ELMO1: variants seen among roughly 807,000 people sequenced by gnomAD.
The protein encoded by ELMO1 is engulfment and cell motility protein 1.
Under a neutral mutation model 98.9 loss-of-function variants are expected in ELMO1, and 26 were observed. That is an observed-to-expected ratio of 0.26 (90% CI 0.19 to 0.36). The LOEUF (loss-of-function observed/expected upper bound fraction) is 0.36, where lower values mean the gene tolerates loss of function less well. ELMO1 is among the 10% of genes least tolerant of loss of function. The pLI, the probability that ELMO1 is intolerant of heterozygous loss-of-function variation, is 1.00. For synonymous variants in ELMO1, 346 were observed against 346.0 expected (o/e 1.00, Z 0.00); for missense variants, 627 against 935.2 (o/e 0.67, Z 4.30).
chr7:37,380,237 G>C (rs1583656273), intron 1 of ELMO1, among the ~76,000 whole-genome samples: 1 of 152,244 alleles, frequency 6.6e-6, no homozygotes, highest in East Asian at 1.9e-4. Flanking sequence ...TAGCCATCCT[G>C]GTGGCTTTTT....
intron 8 of ELMO1, among the ~76,000 whole-genome samples, chr7:37,227,312 A>G (rs774147204): frequency 5.9e-5 from 9 of 152,214 alleles, no homozygotes; most frequent in African/African-American, 9.7e-5. Context: ...TTAGTTGCCT[A>G]CTTCCATAAA....
intron 2 of ELMO1, among the ~76,000 whole-genome samples, chr7:37,329,427 T>C (rs1799985585): frequency 6.6e-6 from 1 of 152,198 alleles, no homozygotes; most frequent in Non-Finnish European, 1.5e-5. Flanking sequence ...CAATTCTCTC[T>C]TTTAGTGAGT....
At chr7:37,008,832 T>C (rs1203724879) in intron 16 of ELMO1, among the ~76,000 whole-genome samples, 1 of 152,226 alleles carries the variant, frequency 6.6e-6, no homozygotes, top group Non-Finnish European at 1.5e-5. Context: ...CATGTGTTAA[T>C]GATGGCGATT....
At chr7:36,884,314 CAA>C (rs59762953) in intron 18 of ELMO1, among the ~76,000 whole-genome samples, 3,676 of 127,688 alleles carry the variant, frequency 0.029, 137 homozygotes, top group East Asian at 0.084. Flanking sequence ...GAGACTGTCT[CAA>C]AAAAAAAAAA....
chr7:37,277,875 C>T (rs1454088312), intron 4 of ELMO1, among the ~76,000 whole-genome samples: 1 of 152,208 alleles, frequency 6.6e-6, no homozygotes, highest in African/African-American at 2.4e-5. Flanking sequence ...CCAGAAGTCT[C>T]CTGCCTAGGC....
chr7:37,359,530 A>T (rs1310924710), intron 1 of ELMO1, among the ~76,000 whole-genome samples: 2 of 152,186 alleles, frequency 1.3e-5, no homozygotes, highest in African/African-American at 2.4e-5. Flanking sequence ...ACATAGATTA[A>T]CACATTCAGT....
At chr7:36,983,829 A>G (rs1791275835) in intron 16 of ELMO1, among the ~76,000 whole-genome samples, 1 of 152,154 alleles carries the variant, frequency 6.6e-6, no homozygotes, top group East Asian at 1.9e-4. Flanking sequence ...TTTACCCTAA[A>G]ATGCCTGATT....
chr7:37,390,021 A>ACTT, intron 1 of ELMO1, among the ~76,000 whole-genome samples: 2 of 152,246 alleles, frequency 1.3e-5, no homozygotes, highest in Middle Eastern at 6.8e-3. Flanking sequence ...CTGAGAAGTC[A>ACTT]CCCATGCTCT....
At chr7:37,213,686 T>C (rs6462743) in intron 11 of ELMO1, among the ~76,000 whole-genome samples, 41,959 of 150,690 alleles carry the variant, frequency 0.28, 6,381 homozygotes, top group African/African-American at 0.4. Flanking sequence ...CAGGAGGGAG[T>C]GGAAGGGGAA....
At chr7:37,125,172 C>T (rs890729769) in intron 14 of ELMO1, among the ~76,000 whole-genome samples, 3 of 152,104 alleles carry the variant, frequency 2.0e-5, no homozygotes, top group African/African-American at 7.2e-5. Context: ...AGACCTAAAA[C>T]CATAAAAACC....
intron 15 of ELMO1, among the ~76,000 whole-genome samples, chr7:37,093,938 G>T (rs1196607318): frequency 1.3e-5 from 2 of 152,100 alleles, no homozygotes; most frequent in Non-Finnish European, 2.9e-5. Flanking sequence ...ACAGATGATG[G>T]GCATGCGTTA....
chr7:37,019,224 C>T (rs532683907), intron 15 of ELMO1, among the ~76,000 whole-genome samples: 21 of 152,214 alleles, frequency 1.4e-4, no homozygotes, highest in Non-Finnish European at 2.5e-4. Context: ...AGCATTGTAT[C>T]TCCAGCACTG....
At chr7:37,138,547 C>T (rs1787414203) in intron 13 of ELMO1, among the ~76,000 whole-genome samples, 1 of 152,126 alleles carries the variant, frequency 6.6e-6, no homozygotes, top group Non-Finnish European at 1.5e-5. Context: ...TCTGAGCAGA[C>T]CAATAACAGG....
chr7:37,392,247 A>C (rs1803112167), intron 1 of ELMO1, among the ~76,000 whole-genome samples: 1 of 152,148 alleles, frequency 6.6e-6, no homozygotes, highest in Admixed American at 6.5e-5. Context: ...CATATCTCTA[A>C]CTCAAGTTCC....
rs1418135180 is a variant in ELMO1 at position 37,211,408 on chromosome 7, T to A, written c.1064A>T (p.Asp355Val). ...MEKRKSMYTRDYKKLGFINHV... is the reference protein window; with the variant it reads ...MEKRKSMYTRVYKKLGFINHV... ...TACAATGAACCCAAGCTTCTTATAATCTCGCGTGTACATGGACTTGCGTTT... is the reference window on the plus strand; with the variant it reads ...TACAATGAACCCAAGCTTCTTATAAACTCGCGTGTACATGGACTTGCGTTT... Residue 355 changes from aspartate (D) to valine (V), a missense_variant, in exon 13 of 22, where the codon GAT becomes GTT. This residue lies in a region of ELMO1 where 492 missense variants were observed against 715.6 expected (regional missense o/e 0.69). Transcript: ENST00000310758. The A allele has an allele frequency of 6.2e-7, 1 of 1,614,038 alleles. No individual in the cohort carries two copies. Among genetic ancestry groups the A allele is most frequent in the Non-Finnish European group, 8.5e-7 (1 of 1,179,964 alleles).
At chr7:36,982,183 C>T (rs995685597) in intron 16 of ELMO1, among the ~76,000 whole-genome samples, 18 of 152,178 alleles carry the variant, frequency 1.2e-4, no homozygotes, top group African/African-American at 2.4e-5. Context: ...AACTTGTGCA[C>T]ATGAATCTAC....
intron 1 of ELMO1, among the ~76,000 whole-genome samples, chr7:37,360,424 TTA>T (rs550261497): frequency 7.4e-4 from 106 of 142,466 alleles, no homozygotes; most frequent in Middle Eastern, 3.5e-3. Context: ...AACTGAAATT[TTA>T]AAAAAAAAAA....
chr7:37,382,546 G>A (rs990715186), intron 1 of ELMO1, among the ~76,000 whole-genome samples: 2 of 151,976 alleles, frequency 1.3e-5, no homozygotes, highest in African/African-American at 4.8e-5. Flanking sequence ...TCTTGTAAAG[G>A]TGTCCCCACC....
chr7:37,328,309 G>C (rs1422898213), intron 2 of ELMO1, among the ~76,000 whole-genome samples: 1 of 136,988 alleles, frequency 7.3e-6, no homozygotes, highest in African/African-American at 2.7e-5. Context: ...CTTGAACCCA[G>C]AAGGTCAAGG....
Sources: allele counts gnomAD v4.1 joint callset (sites outside exome capture counted in the v4.1 genomes callset), GRCh38; gene constraint gnomAD v4.1.1; regional missense constraint gnomAD v4.1.1; transcripts MANE v1.5; gene names NCBI Gene and HGNC (gene_info 2026-07-23, HGNC 2026-07-21).